The following PLEKHG7 variants were observed in gnomAD, a reference collection of about 807,000 sequenced individuals.
PLEKHG7 encodes pleckstrin homology domain-containing family G member 7.
PLEKHG7 carries 77 observed loss-of-function variants against 85.2 expected under a neutral mutation model. The observed-to-expected ratio is 0.90, with a 90% CI of 0.75 to 1.09. The LOEUF (loss-of-function observed/expected upper bound fraction) is 1.09, where lower values mean the gene tolerates loss of function less well. Among genes scored for constraint, PLEKHG7 ranks in the 50% least tolerant of loss-of-function variants. The pLI is 0.00. For missense variants in PLEKHG7, 777 were observed against 804.3 expected, an observed-to-expected ratio of 0.97 and a Z score of 0.41; for synonymous variants, 301 against 302.4, an observed-to-expected ratio of 1.00 and a Z score of 0.05.
rs1179319930 is a variant in PLEKHG7, at chr12:92,771,029, A to G, written c.*834A>G. 1 of 129,316 alleles carries G rather than the reference A, an allele frequency of 7.7e-6. No individual in the cohort carries two copies. Among genetic ancestry groups the G allele is most frequent in the Non-Finnish European group, 1.7e-5 (1 of 58,096 alleles). The allele number at this position is 129,316 out of a possible 1,614,324, so 8.0% of individuals were successfully genotyped here. ...TGTGTGTGTGTGTGTGTGTTAGCACAGTACAGTCACTTAATTTTATTTGGC... is the reference window on the plus strand; with the variant it reads ...TGTGTGTGTGTGTGTGTGTTAGCACGGTACAGTCACTTAATTTTATTTGGC... On this transcript the variant is annotated 3_prime_UTR_variant, in exon 17 of 17. Coordinates refer to ENST00000344636, the MANE Select transcript of PLEKHG7 (RefSeq NM_001377329.1).
chr12:92,764,792 C>T (rs188120329), intron 15 of PLEKHG7, among the ~76,000 whole-genome samples: 1 of 152,156 alleles, frequency 6.6e-6, no homozygotes, highest in African/African-American at 2.4e-5. Flanking sequence ...CCTACAGATA[C>T]AAAGATGAAT....
chr12:92,764,929 G>C (rs1458857249), intron 15 of PLEKHG7, among the ~76,000 whole-genome samples: 1 of 152,062 alleles, frequency 6.6e-6, no homozygotes, highest in Non-Finnish European at 1.5e-5. Flanking sequence ...GGAGGACGCA[G>C]ACACCACTCT....
intron 13 of PLEKHG7, among the ~76,000 whole-genome samples, chr12:92,756,643 A>T (rs1038744113): frequency 1.3e-5 from 2 of 152,234 alleles, no homozygotes; most frequent in African/African-American, 4.8e-5. Context: ...TTGTTAAAAC[A>T]ACATACAAGA....
At chr12:92,731,532 C>T (rs1290206875) in intron 4 of PLEKHG7, among the ~76,000 whole-genome samples, 1 of 152,186 alleles carries the variant, frequency 6.6e-6, no homozygotes, top group Non-Finnish European at 1.5e-5. Flanking sequence ...AGACAATTTT[C>T]AGCTTTGGCT....
chr12:92,763,333 T>G (rs1873090841), intron 14 of PLEKHG7, among the ~76,000 whole-genome samples: 1 of 152,210 alleles, frequency 6.6e-6, no homozygotes, highest in African/African-American at 2.4e-5. Flanking sequence ...CTATTAAGAA[T>G]TCAGTATTAG....
intron 3 of PLEKHG7, among the ~76,000 whole-genome samples, chr12:92,718,146 G>C (rs1049146183): frequency 6.6e-6 from 1 of 152,136 alleles, no homozygotes; most frequent in African/African-American, 2.4e-5. Context: ...GAACATACTA[G>C]AGGAGAAGAC....
chr12:92,769,302 C>T (rs1288719669), intron 16 of PLEKHG7, among the ~76,000 whole-genome samples: 2 of 152,110 alleles, frequency 1.3e-5, no homozygotes, highest in Non-Finnish European at 2.9e-5. Flanking sequence ...ACAATTTCCT[C>T]ACACTTGCGG....
chr12:92,713,123 C>T (rs140699161), intron 3 of PLEKHG7, among the ~76,000 whole-genome samples: 1,642 of 152,242 alleles, frequency 0.011, 40 homozygotes, highest in African/African-American at 0.037. Context: ...AGCAAGGCTG[C>T]ATATCAAAAA....
At chr12:92,753,093 TTAAAAG>T (rs948698206) in intron 10 of PLEKHG7, among the ~76,000 whole-genome samples, 2 of 152,180 alleles carry the variant, frequency 1.3e-5, no homozygotes, top group African/African-American at 4.8e-5. Context: ...GTTTTTGGCG[TTAAAAG>T]TAATATTAGG....
intron 3 of PLEKHG7, among the ~76,000 whole-genome samples, chr12:92,722,968 G>A (rs1007754099): frequency 6.6e-6 from 1 of 152,152 alleles, no homozygotes; most frequent in African/African-American, 2.4e-5. Flanking sequence ...GAAGGGAAGA[G>A]AGAGAATTGT....
At chr12:92,707,494 G>C in intron 2 of PLEKHG7, 156 bp from the exon 3 acceptor site, 8 of 1,459,688 alleles carry the variant, frequency 5.5e-6, no homozygotes, top group Non-Finnish European at 6.3e-6. Context: ...ATTTAAAAGG[G>C]GAGAAAGAGC....
chr12:92,722,729 G>C (rs895995972), intron 3 of PLEKHG7, among the ~76,000 whole-genome samples: 19 of 152,164 alleles, frequency 1.2e-4, no homozygotes, highest in African/African-American at 4.6e-4. Context: ...TTCTGCTTTT[G>C]TATATACATA....
intron 7 of PLEKHG7, among the ~76,000 whole-genome samples, chr12:92,738,392 G>A (rs1248054004): frequency 2.0e-5 from 3 of 152,178 alleles, no homozygotes; most frequent in African/African-American, 4.8e-5. Context: ...CAGCCAAAAG[G>A]CACTGTGCTG....
intron 15 of PLEKHG7, among the ~76,000 whole-genome samples, chr12:92,765,021 G>A (rs1873150397): frequency 6.6e-6 from 1 of 152,112 alleles, no homozygotes; most frequent in African/African-American, 2.4e-5. Flanking sequence ...GGCCGGAAAA[G>A]AGAAAGCGCT....
chr12:92,772,290 T>G lies in PLEKHG7; in HGVS notation c.*2095T>G, dbSNP rs1873463955. ...TATATTTGTTTTTAGTTTTGTTAAT[T>G]CTCTACAATATTAAATGGAATGTCT... On this transcript the variant is annotated 3_prime_UTR_variant, in exon 17 of 17. Transcript: ENST00000344636. 6.6e-6 allele frequency: 1 copy of G among 151,956 alleles called. No individual in the cohort carries two copies. Among genetic ancestry groups the G allele is most frequent in the Non-Finnish European group, 1.5e-5 (1 of 67,852 alleles). 9.4% of individuals were successfully genotyped at this position (151,956 alleles called of 1,614,324 possible).
intron 10 of PLEKHG7, among the ~76,000 whole-genome samples, chr12:92,753,244 C>T (rs1288623210): frequency 6.6e-6 from 1 of 152,124 alleles, no homozygotes; most frequent in African/African-American, 2.4e-5. Context: ...TCCTGATGTA[C>T]CCATCTGCAT....
At chr12:92,751,783 G>C (rs1182081739) in intron 10 of PLEKHG7, among the ~76,000 whole-genome samples, 1 of 152,110 alleles carries the variant, frequency 6.6e-6, no homozygotes, top group African/African-American at 2.4e-5. Flanking sequence ...AGCACTTTGG[G>C]AGGTGTGCAG....
In PLEKHG7 at chr12:92,706,555, A is replaced by G; in HGVS notation, c.-77A>G. On this transcript the variant is annotated 5_prime_UTR_variant, in exon 2 of 17. Coordinates refer to ENST00000344636, the MANE Select transcript of PLEKHG7 (RefSeq NM_001377329.1). ...TGGCACTTGGATGCAGAAATTGAGC[A>G]CCCTCCATGTGATCCAGAGAACAGC... is the stretch of plus-strand genomic sequence containing the variant. 6.7e-7 allele frequency: 1 copy of G among 1,486,330 alleles called. No individual in the cohort carries two copies. Among genetic ancestry groups the G allele is most frequent in the African/African-American group, 1.4e-5 (1 of 71,360 alleles). The allele number at this position is 1,486,330 out of a possible 1,614,324, so 92.1% of individuals were successfully genotyped here. A position where few individuals can be genotyped will look rare whatever the true frequency, so the allele number is the denominator to read the frequency against.
At chr12:92,712,344 G>A (rs544869064) in intron 3 of PLEKHG7, among the ~76,000 whole-genome samples, 1 of 152,294 alleles carries the variant, frequency 6.6e-6, no homozygotes, top group African/African-American at 2.4e-5. Flanking sequence ...GCTTCTGGTG[G>A]GCCTTATGGA....
Sources: allele counts gnomAD v4.1 joint callset (sites outside exome capture counted in the v4.1 genomes callset), GRCh38; gene constraint gnomAD v4.1.1; transcripts MANE v1.5; gene names NCBI Gene and HGNC (gene_info 2026-07-23, HGNC 2026-07-21).